The following MEGF9 variants were observed in gnomAD, a reference collection of about 807,000 sequenced individuals.
MEGF9 encodes multiple EGF like domains 9, also known as multiple epidermal growth factor-like domains protein 9.
A neutral mutation model predicts 46.8 loss-of-function variants in MEGF9; 6 were observed. That is an observed-to-expected ratio of 0.13 (90% CI 0.07 to 0.25). The LOEUF is 0.25. Among genes scored for constraint, MEGF9 ranks in the 10% least tolerant of loss-of-function variants. The pLI, the probability that MEGF9 is intolerant of heterozygous loss-of-function variation, is 1.00. For missense variants in MEGF9, 683 were observed against 792.4 expected, an observed-to-expected ratio of 0.86 and a Z score of 1.66; for synonymous variants, 302 against 330.7, an observed-to-expected ratio of 0.91 and a Z score of 0.94.
intron 3 of MEGF9, among the ~76,000 whole-genome samples, chr9:120,614,266 G>GC (rs1393679873): frequency 6.6e-6 from 1 of 152,104 alleles, no homozygotes; most frequent in African/African-American, 2.4e-5. Flanking sequence ...CAAGTGATGC[G>GC]CCCATGTAGG....
Position 120,714,079 on chromosome 9 carries a change from T to C in MEGF9, c.280A>G (p.Thr94Ala). Residue 94 changes from threonine (T) to alanine (A), a missense_variant, in exon 1 of 6, where the codon ACT (threonine) becomes GCT (alanine). Transcript: ENST00000373930. ...GTCTCCGGGGACTGGGCTGGAGAAGTCGCAGCCAGGGGTCGGTGGACGGTG... is the reference window on the plus strand; with the variant it reads ...GTCTCCGGGGACTGGGCTGGAGAAGCCGCAGCCAGGGGTCGGTGGACGGTG... ...RATVHRPLAATSPAQSPETTP... is the reference protein window; with the variant it reads ...RATVHRPLAAASPAQSPETTP... 1 of 1,267,238 alleles carries C rather than the reference T, an allele frequency of 7.9e-7. No individual in the cohort carries two copies. The highest frequency in any genetic ancestry group is 9.9e-7 in the Non-Finnish European group (1 of 1,005,918). 78.5% of individuals were successfully genotyped at this position (1,267,238 alleles called of 1,614,324 possible).
At chr9:120,641,763 C>G (rs1332949789) in intron 2 of MEGF9, among the ~76,000 whole-genome samples, 1 of 152,176 alleles carries the variant, frequency 6.6e-6, no homozygotes, top group Admixed American at 6.5e-5. Flanking sequence ...TTTTATATCC[C>G]TATCCCTGAC....
At chr9:120,710,346 C>T (rs964532073) in intron 1 of MEGF9, among the ~76,000 whole-genome samples, 10 of 151,070 alleles carry the variant, frequency 6.6e-5, no homozygotes, top group Non-Finnish European at 1.5e-4. Context: ...ATCGCTTGAA[C>T]CCGGGAGGTG....
chr9:120,672,710 G>A (rs565095324), intron 1 of MEGF9, among the ~76,000 whole-genome samples: 55 of 152,204 alleles, frequency 3.6e-4, no homozygotes, highest in Non-Finnish European at 7.1e-4. Flanking sequence ...AAAATTCCTA[G>A]AACTAATAAA....
intron 4 of MEGF9, among the ~76,000 whole-genome samples, chr9:120,608,970 T>C (rs2043432626): frequency 6.6e-6 from 1 of 151,886 alleles, no homozygotes; most frequent in African/African-American, 2.4e-5. Flanking sequence ...TTGTAGCTAC[T>C]TCCTCATGGT....
At chr9:120,706,846 A>T (rs1353742648) in intron 1 of MEGF9, among the ~76,000 whole-genome samples, 1 of 152,220 alleles carries the variant, frequency 6.6e-6, no homozygotes, top group East Asian at 1.9e-4. Flanking sequence ...AAAGAAAAAA[A>T]CAGAAAGAAG....
chr9:120,671,061 C>A (rs1405317033), intron 1 of MEGF9, among the ~76,000 whole-genome samples: 1 of 152,224 alleles, frequency 6.6e-6, no homozygotes, highest in Non-Finnish European at 1.5e-5. Context: ...CAAAACAAAA[C>A]AATAGCCTTC....
intron 5 of MEGF9, among the ~76,000 whole-genome samples, chr9:120,607,373 G>C (rs1181704403): frequency 6.6e-6 from 1 of 152,182 alleles, no homozygotes; most frequent in Non-Finnish European, 1.5e-5. Context: ...CTTCTAACCA[G>C]ATTAGATGTC....
chr9:120,632,616 C>G (rs1960421), intron 2 of MEGF9, among the ~76,000 whole-genome samples: 104,143 of 151,944 alleles, frequency 0.69, 35,896 homozygotes, highest in South Asian at 0.75. Flanking sequence ...CTCTGGCTAG[C>G]ACTTCTGGTA....
chr9:120,670,779 C>G (rs2132327933), intron 1 of MEGF9, among the ~76,000 whole-genome samples: 1 of 152,272 alleles, frequency 6.6e-6, no homozygotes, highest in East Asian at 1.9e-4. Context: ...TCCCAGAGCT[C>G]TTTCCAGGAC....
At chr9:120,626,686 A>G (rs919955156) in intron 2 of MEGF9, among the ~76,000 whole-genome samples, 1 of 152,214 alleles carries the variant, frequency 6.6e-6, no homozygotes, top group Admixed American at 6.5e-5. Flanking sequence ...GGTATAATAC[A>G]GGAAAGGAGT....
chr9:120,611,832 A>AAAGGAAGG lies in MEGF9; in HGVS notation c.1087+556_1087+563dup, dbSNP rs200715578. Reference sequence around the variant, plus strand: ...AGAAAGAAAAGAAAAGAAAAGAAAGAAAGGAAGGAAGGAAGGAAGGAAGGA... The same window carrying AAAGGAAGG: ...AGAAAGAAAAGAAAAGAAAAGAAAGAAAGGAAGGAAGGAAGGAAGGAAGGAAGGAAGGA... On this transcript the variant is annotated intron_variant, in intron 4 of 5. Transcript: ENST00000373930. Among the ~76,000 whole-genome samples, 217 of 139,340 alleles carry AAAGGAAGG rather than the reference A, an allele frequency of 1.6e-3. 2 individuals carry two copies. The highest frequency in any genetic ancestry group is 6.7e-3 in the East Asian group (31 of 4,614). The allele number at this position is 139,340 out of a possible 152,430, so 91.4% of individuals were successfully genotyped here.
intron 1 of MEGF9, among the ~76,000 whole-genome samples, chr9:120,681,077 C>T (rs1472949046): frequency 6.6e-6 from 1 of 152,088 alleles, no homozygotes; most frequent in Non-Finnish European, 1.5e-5. Context: ...TTTACCTTTC[C>T]CTCTGCTTTT....
chr9:120,632,319 T>C (rs1360870911), intron 2 of MEGF9, among the ~76,000 whole-genome samples: 11 of 147,550 alleles, frequency 7.5e-5, no homozygotes, highest in South Asian at 2.2e-4. Flanking sequence ...TATTCTTGGA[T>C]AAATTTATTC....
At chr9:120,687,842 A>G (rs2043830357) in intron 1 of MEGF9, among the ~76,000 whole-genome samples, 1 of 152,016 alleles carries the variant, frequency 6.6e-6, no homozygotes, top group African/African-American at 2.4e-5. Context: ...TATCTCAAAA[A>G]TGAAAACAAT....
At chr9:120,645,893 A>G (rs1386998937) in intron 2 of MEGF9, among the ~76,000 whole-genome samples, 1 of 152,180 alleles carries the variant, frequency 6.6e-6, no homozygotes, top group Non-Finnish European at 1.5e-5. Context: ...CAGGAATAAA[A>G]ATCCCATGGG....
chr9:120,685,904 C>T (rs1286215307), intron 1 of MEGF9, among the ~76,000 whole-genome samples: 1 of 152,088 alleles, frequency 6.6e-6, no homozygotes, highest in Non-Finnish European at 1.5e-5. Flanking sequence ...GAAGGAAATC[C>T]TGTCACATGC....
chr9:120,687,783 A>T (rs73537823), intron 1 of MEGF9, among the ~76,000 whole-genome samples: 2,238 of 125,296 alleles, frequency 0.018, 55 homozygotes, highest in African/African-American at 0.07. Context: ...AAAAAGAGAT[A>T]AAAAAAAAAA....
chr9:120,618,287 T>C (rs1395808921), intron 3 of MEGF9, among the ~76,000 whole-genome samples: 1 of 152,036 alleles, frequency 6.6e-6, no homozygotes, highest in African/African-American at 2.4e-5. Flanking sequence ...GAAGATGTAG[T>C]AGAACAAATA....
Sources: allele counts gnomAD v4.1 joint callset (sites outside exome capture counted in the v4.1 genomes callset), GRCh38; gene constraint gnomAD v4.1.1; transcripts MANE v1.5; gene names NCBI Gene and HGNC (gene_info 2026-07-23, HGNC 2026-07-21).